TEK: variants seen among roughly 807,000 people sequenced by gnomAD.
TEK encodes the protein TEK receptor tyrosine kinase.
Under a neutral mutation model 131.8 loss-of-function variants are expected in TEK, and 43 were observed. That is an observed-to-expected ratio of 0.33 (90% CI 0.26 to 0.42). TEK has a LOEUF of 0.42. Among genes scored for constraint, TEK ranks in the 10% least tolerant of loss-of-function variants. The pLI is 1.00. For missense variants in TEK, 1,162 were observed against 1,384.4 expected (o/e 0.84, Z 2.55); for synonymous variants, 580 against 491.6 (o/e 1.18, Z -2.38).
Position 27,168,487 on chromosome 9 carries a change from T to C in TEK, c.365-8T>C. ...CATTTTTGGTATTTGTTTTCTCTCT[T>C]TTAAAAGCTTCCTTCCTACCAGCTA... On this transcript the variant is annotated splice_polypyrimidine_tract_variant and splice_region_variant and intron_variant, in intron 2 of 22. Coordinates refer to ENST00000380036, the MANE Select transcript of TEK (RefSeq NM_000459.5). The C allele has an allele frequency of 6.2e-7, 1 of 1,609,648 alleles. No individual in the cohort carries two copies. The highest frequency in any genetic ancestry group is 1.7e-5 in the Admixed American group (1 of 59,992).
intron 12 of TEK, among the ~76,000 whole-genome samples, chr9:27,201,820 G>T (rs955023218): frequency 6.6e-6 from 1 of 152,136 alleles, no homozygotes; most frequent in East Asian, 1.9e-4. Context: ...TCTACTATTC[G>T]CCTACTGGGA....
chr9:27,137,787 C>T (rs1194587763), intron 1 of TEK, among the ~76,000 whole-genome samples: 1 of 152,078 alleles, frequency 6.6e-6, no homozygotes, highest in African/African-American at 2.4e-5. Context: ...TCTCATTTTT[C>T]TCTTTAGTTA....
intron 6 of TEK, 58 bp from the exon 7 acceptor site, chr9:27,180,182 T>C (rs2131163584): frequency 1.5e-5 from 24 of 1,609,414 alleles, no homozygotes; most frequent in Non-Finnish European, 2.0e-5. Context: ...ACACCTGCAG[T>C]CTTAGTTTCC....
intron 1 of TEK, among the ~76,000 whole-genome samples, chr9:27,138,956 T>C (rs1822610821): frequency 6.6e-6 from 1 of 152,106 alleles, no homozygotes; most frequent in South Asian, 2.1e-4. Context: ...AAGCCTGTAA[T>C]CCCAGCACTT....
Position 27,134,954 on chromosome 9 carries a change from G to A in TEK, c.53-22877G>A, listed in dbSNP as rs956711758. Among the ~76,000 whole-genome samples the A allele has an allele frequency of 7.2e-5, 11 of 152,318 alleles. No homozygotes were observed. The East Asian group carries it at 2.1e-3, about 29-fold the overall frequency. On this transcript the variant is annotated intron_variant, in intron 1 of 22. Transcript: ENST00000380036. Reference sequence around the variant, plus strand: ...GATTTAAAAGAAACAAAAAGGGTGTGTAATAAATTGTTATAATCCCAGCAC... The same window carrying A: ...GATTTAAAAGAAACAAAAAGGGTGTATAATAAATTGTTATAATCCCAGCAC...
Position 27,228,318 on chromosome 9 carries a change from G to C in TEK, c.3300+13G>C. On this transcript the variant is annotated intron_variant, in intron 22 of 22. Coordinates refer to ENST00000380036, the MANE Select transcript of TEK (RefSeq NM_000459.5). ...AGAGGAGCGAAAGGTAAGTATTAAAGTCAGGCAGGAGATCTTTAATTGGAA... is the reference window on the plus strand; with the variant it reads ...AGAGGAGCGAAAGGTAAGTATTAAACTCAGGCAGGAGATCTTTAATTGGAA... The C allele has an allele frequency of 6.2e-7, 1 of 1,600,454 alleles. No individual in the cohort carries two copies. The highest frequency in any genetic ancestry group is 8.6e-7 in the Non-Finnish European group (1 of 1,168,150).
rs142912849 is a variant in TEK at position 27,116,029 on chromosome 9, G to T, written c.52+6387G>T. Among the ~76,000 whole-genome samples the T allele has an allele frequency of 7.5e-3, 1,143 of 152,274 alleles. 13 individuals carry two copies. The highest frequency in any genetic ancestry group is 0.026 in the African/African-American group (1,094 of 41,554). Reference sequence around the variant, plus strand: ...TGGATTAACATGGTAGAGACCATAGGCTGGGACCAAGTTGGCTTCCTAACA... The same window carrying T: ...TGGATTAACATGGTAGAGACCATAGTCTGGGACCAAGTTGGCTTCCTAACA... On this transcript the variant is annotated intron_variant, in intron 1 of 22. Coordinates refer to ENST00000380036, the MANE Select transcript of TEK (RefSeq NM_000459.5).
Position 27,165,361 on chromosome 9 carries a change from C to CACAGAGAG in TEK, c.365-3134_365-3133insACAGAGAG, listed in dbSNP as rs536016703. ...ATTCTCGTAGGAGTCCAGGAGCATGCCACAGAGAGCAAGAGCTGCATGCAT... is the reference window on the plus strand; with the variant it reads ...ATTCTCGTAGGAGTCCAGGAGCATGCACAGAGAGCACAGAGAGCAAGAGCTGCATGCAT... On this transcript the variant is annotated intron_variant, in intron 2 of 22. Coordinates refer to ENST00000380036, the MANE Select transcript of TEK (RefSeq NM_000459.5). Among the ~76,000 whole-genome samples, 653 of 152,250 alleles carry CACAGAGAG rather than the reference C, an allele frequency of 4.3e-3. 4 individuals carry two copies. Among genetic ancestry groups the CACAGAGAG allele is most frequent in the African/African-American group, 0.015 (626 of 41,536 alleles).
At chr9:27,190,255 T>C (rs1824762073) in intron 9 of TEK, among the ~76,000 whole-genome samples, 1 of 152,080 alleles carries the variant, frequency 6.6e-6, no homozygotes, top group African/African-American at 2.4e-5. Flanking sequence ...GGTCACGATA[T>C]GAATTTTTGG....
intron 21 of TEK, among the ~76,000 whole-genome samples, chr9:27,223,756 ATAAC>A (rs1456723910): frequency 6.6e-6 from 1 of 152,234 alleles, no homozygotes; most frequent in Non-Finnish European, 1.5e-5. Flanking sequence ...AAGGCAAGAA[ATAAC>A]TAAGATCAGA....
At chr9:27,208,506 C>G (rs1011721896) in intron 15 of TEK, among the ~76,000 whole-genome samples, 4 of 152,208 alleles carry the variant, frequency 2.6e-5, no homozygotes, top group Admixed American at 2.6e-4. Context: ...GAAGCAGATG[C>G]AACTCAGTTT....
At chr9:27,202,087 T>G (rs1329887357) in intron 12 of TEK, among the ~76,000 whole-genome samples, 1 of 152,220 alleles carries the variant, frequency 6.6e-6, no homozygotes, top group East Asian at 1.9e-4. Context: ...CTTTAGAGTT[T>G]GAGTGAGAAT....
chr9:27,173,889 C>T (rs935521279), intron 6 of TEK, among the ~76,000 whole-genome samples: 1 of 150,746 alleles, frequency 6.6e-6, no homozygotes, highest in African/African-American at 2.4e-5. Flanking sequence ...ATGATTGCAC[C>T]ACTACACTCC....
chr9:27,120,292 T>C (rs916470953), intron 1 of TEK, among the ~76,000 whole-genome samples: 27 of 152,380 alleles, frequency 1.8e-4, no homozygotes, highest in African/African-American at 5.8e-4. Context: ...CCTTTGTGTA[T>C]GCTGGTTTCT....
chr9:27,111,087 C>T (rs954748436), intron 1 of TEK, among the ~76,000 whole-genome samples: 1 of 152,134 alleles, frequency 6.6e-6, no homozygotes, highest in East Asian at 1.9e-4. Flanking sequence ...CCTAAAGCAA[C>T]TGTGTTATAG....
At chr9:27,161,545 A>T (rs1447277407) in intron 2 of TEK, among the ~76,000 whole-genome samples, 2 of 152,230 alleles carry the variant, frequency 1.3e-5, no homozygotes, top group Non-Finnish European at 2.9e-5. Flanking sequence ...ATGCCGAGTG[A>T]TCTGACTTCA....
intron 2 of TEK, among the ~76,000 whole-genome samples, chr9:27,166,602 T>G (rs1033625599): frequency 1.3e-5 from 2 of 152,230 alleles, no homozygotes; most frequent in East Asian, 3.8e-4. Flanking sequence ...ATATCCCTAA[T>G]TTTTAGCTTT....
At chr9:27,191,982 C>T (rs915411044) in intron 10 of TEK, 1 of 455,476 alleles carries the variant, frequency 2.2e-6, no homozygotes, top group Non-Finnish European at 4.4e-6. Flanking sequence ...AGAAAAGAGA[C>T]AGATACCATT....
intron 1 of TEK, among the ~76,000 whole-genome samples, chr9:27,127,360 TTATC>T (rs1822027089): frequency 1.3e-5 from 2 of 152,258 alleles, no homozygotes; most frequent in Admixed American, 1.3e-4. Context: ...CACATATTCT[TTATC>T]CAGTCTATCA....
Sources: allele counts gnomAD v4.1 joint callset (sites outside exome capture counted in the v4.1 genomes callset), GRCh38; gene constraint gnomAD v4.1.1; transcripts MANE v1.5; gene names NCBI Gene and HGNC (gene_info 2026-07-23, HGNC 2026-07-21).